The following ESRRG variants were observed in gnomAD, a reference collection of about 807,000 sequenced individuals.
The protein encoded by ESRRG is estrogen related receptor gamma, also known as estrogen-related receptor gamma.
ESRRG carries 13 observed loss-of-function variants against 44.0 expected under a neutral mutation model. The observed-to-expected ratio is 0.30, with a 90% CI of 0.19 to 0.47. The LOEUF is 0.47. ESRRG is among the 20% of genes least tolerant of loss of function. ESRRG has a pLI of 1.00. For missense variants in ESRRG, 395 were observed against 580.6 expected, an observed-to-expected ratio of 0.68 and a Z score of 3.29; for synonymous variants, 215 against 214.6, an observed-to-expected ratio of 1.00 and a Z score of -0.02.
chr1:216,606,227 G>T (rs2059918430), intron 3 of ESRRG, among the ~76,000 whole-genome samples: 1 of 152,118 alleles, frequency 6.6e-6, no homozygotes, highest in South Asian at 2.1e-4. Context: ...AATAATACAA[G>T]AGGCTTCTTA....
chr1:216,931,419 GA>G (rs2063324828), intron 2 of ESRRG, among the ~76,000 whole-genome samples: 1 of 152,112 alleles, frequency 6.6e-6, no homozygotes, highest in Non-Finnish European at 1.5e-5. Context: ...GACCCACACT[GA>G]GAAACTGCTC....
At chr1:216,905,591 A>G (rs1406066212) in intron 2 of ESRRG, among the ~76,000 whole-genome samples, 3 of 152,104 alleles carry the variant, frequency 2.0e-5, no homozygotes, top group Non-Finnish European at 4.4e-5. Context: ...TCCACTAGAC[A>G]TTGAGGTCTG....
At chr1:216,971,201 A>G (rs1287672657) in intron 1 of ESRRG, among the ~76,000 whole-genome samples, 2 of 152,242 alleles carry the variant, frequency 1.3e-5, no homozygotes, top group African/African-American at 4.8e-5. Flanking sequence ...CAGTTTAAAG[A>G]GATTCTTAGG....
intron 2 of ESRRG, among the ~76,000 whole-genome samples, chr1:216,816,754 C>T (rs996630813): frequency 3.9e-5 from 6 of 152,232 alleles, no homozygotes; most frequent in African/African-American, 1.2e-4. Context: ...ATCATACATA[C>T]GACTTTTAAG....
chr1:216,543,634 T>C (rs4147269), intron 5 of ESRRG, among the ~76,000 whole-genome samples: 44,015 of 151,842 alleles, frequency 0.29, 7,382 homozygotes, highest in Admixed American at 0.4. Context: ...GTGTTTCTGG[T>C]GCTTCACTAC....
At chr1:216,742,724 C>A (rs2090906651) in intron 2 of ESRRG, among the ~76,000 whole-genome samples, 1 of 151,798 alleles carries the variant, frequency 6.6e-6, no homozygotes, top group Non-Finnish European at 1.5e-5. Flanking sequence ...ACTGAAAAAA[C>A]AACTTCAGAA....
At chr1:217,030,169 T>C (rs1158278676) in intron 1 of ESRRG, among the ~76,000 whole-genome samples, 1 of 152,046 alleles carries the variant, frequency 6.6e-6, no homozygotes, top group Non-Finnish European at 1.5e-5. Context: ...TTCTTTCTCT[T>C]TGTCTCTCTC....
intron 1 of ESRRG, among the ~76,000 whole-genome samples, chr1:217,076,203 G>C (rs1357295615): frequency 1.3e-5 from 2 of 152,110 alleles, no homozygotes; most frequent in African/African-American, 2.4e-5. Context: ...GTGGTTCCTT[G>C]AGACTGTGAC....
intron 2 of ESRRG, among the ~76,000 whole-genome samples, chr1:216,787,541 T>C (rs2148010806): frequency 6.9e-6 from 1 of 144,048 alleles, no homozygotes; most frequent in Admixed American, 7.3e-5. Flanking sequence ...AGGCAGAGGT[T>C]GCAGTGAGAG....
chr1:216,896,430 A>G (rs1212097322), intron 2 of ESRRG, among the ~76,000 whole-genome samples: 1 of 152,220 alleles, frequency 6.6e-6, no homozygotes, highest in Admixed American at 6.5e-5. Context: ...GCTCACGGAA[A>G]TCGAAACAAA....
At chr1:217,118,636 T>A (rs535983851) in intron 1 of ESRRG, among the ~76,000 whole-genome samples, 1 of 152,040 alleles carries the variant, frequency 6.6e-6, no homozygotes, top group African/African-American at 2.4e-5. Context: ...GAAAAATACA[T>A]TTTTTGGCCT....
chr1:216,705,166 A>C (rs561800816), intron 1 of ESRRG, among the ~76,000 whole-genome samples: 1 of 152,306 alleles, frequency 6.6e-6, no homozygotes, highest in African/African-American at 2.4e-5. Context: ...TCTAGGCACA[A>C]AACACACAGT....
chr1:216,907,103 G>T (rs1243924536), intron 2 of ESRRG, among the ~76,000 whole-genome samples: 5 of 152,180 alleles, frequency 3.3e-5, no homozygotes, highest in African/African-American at 4.8e-5. Flanking sequence ...TTCTGAGTAG[G>T]TAATACTCTA....
intron 1 of ESRRG, among the ~76,000 whole-genome samples, chr1:217,050,972 G>A (rs1278311811): frequency 6.6e-6 from 1 of 152,038 alleles, no homozygotes; most frequent in East Asian, 1.9e-4. Flanking sequence ...GTGTGGGAAG[G>A]ACTCAGTGAA....
At chr1:216,525,052 C>T (rs186021661) in intron 5 of ESRRG, among the ~76,000 whole-genome samples, 29 of 152,248 alleles carry the variant, frequency 1.9e-4, no homozygotes, top group Admixed American at 1.2e-3. Flanking sequence ...CCCCCATAGA[C>T]GTGGTGAAAT....
chr1:216,973,630 C>T (rs371302298), intron 1 of ESRRG, among the ~76,000 whole-genome samples: 6 of 152,012 alleles, frequency 3.9e-5, no homozygotes, highest in African/African-American at 1.4e-4. Context: ...AGTTCGAGAC[C>T]AGCCTGACTA....
At chr1:217,093,940 T>C (rs181091854), upstream of ESRRG, among the ~76,000 whole-genome samples, 7 of 152,232 alleles carry the variant, frequency 4.6e-5, no homozygotes, top group Admixed American at 1.3e-4. Flanking sequence ...TGGAGTGCAG[T>C]GGCCTGACCA....
At chr1:217,092,965 A>G (rs1348173806), upstream of ESRRG, among the ~76,000 whole-genome samples, 1 of 151,378 alleles carries the variant, frequency 6.6e-6, no homozygotes, top group Non-Finnish European at 1.5e-5. Context: ...GCATTCTATG[A>G]TAAGGTAGAA....
intron 5 of ESRRG, among the ~76,000 whole-genome samples, chr1:216,542,046 T>G (rs2052986264): frequency 6.7e-6 from 1 of 150,282 alleles, no homozygotes; most frequent in Non-Finnish European, 1.5e-5. Flanking sequence ...TACTACATTC[T>G]GTGGGTATAA....
Sources: gnomAD v4.1 joint callset for allele counts (sites outside exome capture counted in the v4.1 genomes callset) on GRCh38, gnomAD v4.1.1 for gene constraint, MANE v1.5 for transcripts, NCBI Gene and HGNC (gene_info 2026-07-23, HGNC 2026-07-21) for gene names.